TNIP3: variants seen among roughly 807,000 people sequenced by gnomAD.
The protein encoded by TNIP3 is TNFAIP3 interacting protein 3.
In TNIP3, 34 loss-of-function variants were observed where a neutral mutation model predicts 54.1. The ratio of observed to expected loss-of-function variants is 0.63; its 90% CI spans 0.48 to 0.84. The LOEUF (loss-of-function observed/expected upper bound fraction) is 0.84. Ranked by LOEUF, TNIP3 falls within the 40% of genes least tolerant of loss-of-function variation. The probability of loss-of-function intolerance (pLI) is 0.00; values close to 1 mark genes in which losing one functional copy is unlikely to be tolerated. For synonymous variants in TNIP3, 134 were observed against 136.8 expected, an observed-to-expected ratio of 0.98 and a Z score of 0.14; for missense variants, 366 against 387.6, an observed-to-expected ratio of 0.94 and a Z score of 0.47.
At chr4:121,225,253 G>A (rs1462304867) in intron 1 of TNIP3, among the ~76,000 whole-genome samples, 5 of 152,122 alleles carry the variant, frequency 3.3e-5, no homozygotes, top group African/African-American at 9.7e-5. Context: ...TACATACTTA[G>A]ATTAATCAAG....
intron 2 of TNIP3, among the ~76,000 whole-genome samples, chr4:121,204,145 AG>A (rs1207960088): frequency 6.6e-6 from 1 of 152,132 alleles, no homozygotes; most frequent in Admixed American, 6.6e-5. Flanking sequence ...ACTTTGTGAA[AG>A]AAAAATAAAT....
At chr4:121,153,905 G>T (rs1729916674) in intron 5 of TNIP3, among the ~76,000 whole-genome samples, 1 of 152,082 alleles carries the variant, frequency 6.6e-6, no homozygotes, top group Non-Finnish European at 1.5e-5. Flanking sequence ...CCACATATGG[G>T]TTGGCTCTTG....
chr4:121,140,794 A>G lies in TNIP3; in HGVS notation c.885+1022T>C, dbSNP rs376627206. 1.4e-4 allele frequency among the ~76,000 whole-genome samples: 21 copies of G among 152,344 alleles called. 1 individual carries two copies. In the East Asian group the frequency reaches 1.5e-3, roughly 11 times the overall value. On this transcript the variant is annotated intron_variant, in intron 9 of 10. Coordinates refer to ENST00000057513, the MANE Select transcript of TNIP3 (RefSeq NM_024873.6). Reference sequence around the variant, plus strand: ...AAAAAGGAAAAGGGGGAGGGAGAGCAGACAGAACTAGCAACCCGCAATAAC... The same window carrying G: ...AAAAAGGAAAAGGGGGAGGGAGAGCGGACAGAACTAGCAACCCGCAATAAC...
intron 2 of TNIP3, among the ~76,000 whole-genome samples, chr4:121,188,622 T>C (rs115431125): frequency 6.6e-6 from 1 of 152,232 alleles, no homozygotes; most frequent in Non-Finnish European, 1.5e-5. Flanking sequence ...TCTAAACTTG[T>C]AGAATCCTAT....
chr4:121,208,410 T>C (rs995542410), intron 2 of TNIP3, among the ~76,000 whole-genome samples: 3 of 152,166 alleles, frequency 2.0e-5, no homozygotes, highest in African/African-American at 7.2e-5. Context: ...TCTGGTCTTG[T>C]GGCCCCCACC....
chr4:121,157,013 G>A (rs979538634), intron 4 of TNIP3, 81 bp downstream of exon 4: 2 of 1,570,118 alleles, frequency 1.3e-6, no homozygotes, highest in African/African-American at 1.4e-5. Context: ...TTAATAAAAC[G>A]GTAGGTTTTC....
chr4:121,149,854 C>T (rs1470848592), intron 6 of TNIP3, among the ~76,000 whole-genome samples: 1 of 152,198 alleles, frequency 6.6e-6, no homozygotes, highest in African/African-American at 2.4e-5. Flanking sequence ...GCGTGCCCCT[C>T]TTTTAATTGT....
chr4:121,137,240 A>G (rs1177377782), intron 10 of TNIP3, among the ~76,000 whole-genome samples: 1 of 152,238 alleles, frequency 6.6e-6, no homozygotes, highest in Non-Finnish European at 1.5e-5. Context: ...ATTCCAGAGC[A>G]ATATAAAATG....
intron 1 of TNIP3, among the ~76,000 whole-genome samples, chr4:121,163,061 A>G (rs555306723): frequency 2.6e-5 from 4 of 152,168 alleles, no homozygotes; most frequent in Non-Finnish European, 5.9e-5. Context: ...ATTACTGAAA[A>G]TCTAGATACC....
At chr4:121,222,809 T>G (rs1217705279) in intron 1 of TNIP3, among the ~76,000 whole-genome samples, 2 of 141,422 alleles carry the variant, frequency 1.4e-5, no homozygotes, top group African/African-American at 2.7e-5. Flanking sequence ...TGTGCGTTTT[T>G]TTTTTTTTTT....
At chr4:121,159,610 CAT>C (rs1473407226) in intron 2 of TNIP3, among the ~76,000 whole-genome samples, 1 of 152,216 alleles carries the variant, frequency 6.6e-6, no homozygotes, top group Non-Finnish European at 1.5e-5. Context: ...AAGATTAACA[CAT>C]GATTTATAAT....
At chr4:121,158,547 C>T (rs913309808) in intron 3 of TNIP3, 140 bp downstream of exon 3, 1 of 719,836 alleles carries the variant, frequency 1.4e-6, no homozygotes, top group South Asian at 1.6e-5. Context: ...CAATACTACA[C>T]TTAGCACCCT....
chr4:121,200,199 T>G (rs1725804998), intron 2 of TNIP3, among the ~76,000 whole-genome samples: 1 of 151,894 alleles, frequency 6.6e-6, no homozygotes, highest in Non-Finnish European at 1.5e-5. Context: ...CTCACCCAAA[T>G]AGGTAACACC....
chr4:121,171,807 C>G (rs563705182), intron 3 of TNIP3, among the ~76,000 whole-genome samples: 1 of 152,008 alleles, frequency 6.6e-6, no homozygotes, highest in African/African-American at 2.4e-5. Context: ...CTTGGCTCAC[C>G]GCAACCTCTG....
At chr4:121,138,053 T>A (rs1267971641) in intron 10 of TNIP3, 1 of 446,874 alleles carries the variant, frequency 2.2e-6, no homozygotes, top group Admixed American at 2.5e-5. Flanking sequence ...CAATAAAAAA[T>A]AAGATTTAAA....
intron 2 of TNIP3, among the ~76,000 whole-genome samples, chr4:121,207,936 G>C (rs776354934): frequency 6.6e-6 from 1 of 152,098 alleles, no homozygotes; most frequent in Non-Finnish European, 1.5e-5. Flanking sequence ...ATGAATGATG[G>C]GGGTGGTTTC....
At chr4:121,150,304 G>T in intron 5 of TNIP3, 85 bp from the exon 6 acceptor site, 1 of 777,880 alleles carries the variant, frequency 1.3e-6, no homozygotes, top group Non-Finnish European at 2.1e-6. Context: ...CATCTCAAAT[G>T]CACCCACAAA....
intron 4 of TNIP3, 32 bp from the exon 5 acceptor site, chr4:121,154,711 G>A: frequency 6.4e-7 from 1 of 1,559,482 alleles, no homozygotes; most frequent in Non-Finnish European, 8.6e-7. Flanking sequence ...GAAAATAAAA[G>A]TCAGTACAAG....
At chr4:121,195,445 C>T (rs1331335140) in intron 2 of TNIP3, among the ~76,000 whole-genome samples, 2 of 152,126 alleles carry the variant, frequency 1.3e-5, no homozygotes, top group East Asian at 3.8e-4. Context: ...GTATTATGGA[C>T]CTTGTTTATT....
Sources: gnomAD v4.1 joint callset for allele counts (sites outside exome capture counted in the v4.1 genomes callset) on GRCh38, gnomAD v4.1.1 for gene constraint, MANE v1.5 for transcripts, NCBI Gene and HGNC (gene_info 2026-07-23, HGNC 2026-07-21) for gene names.